The following HAO1 variants were observed in gnomAD, a reference collection of about 807,000 sequenced individuals.
HAO1 encodes the protein 2-Hydroxyacid oxidase 1.
Under a neutral mutation model 39.7 loss-of-function variants are expected in HAO1, and 34 were observed. The ratio of observed to expected loss-of-function variants is 0.86; its 90% confidence interval spans 0.65 to 1.14. The LOEUF is 1.14. HAO1 is among the 50% of genes most tolerant of loss of function. The pLI is 0.00. For missense variants in HAO1, 479 were observed against 464.5 expected (o/e 1.03, Z -0.29); for synonymous variants, 172 against 173.2 (o/e 0.99, Z 0.05).
At chr20:7,927,594 T>A (rs371672367) in intron 2 of HAO1, among the ~76,000 whole-genome samples, 80 of 152,310 alleles carry the variant, frequency 5.3e-4, no homozygotes, top group African/African-American at 1.9e-3. Flanking sequence ...TTTAAAAGAC[T>A]TCTTAGAATT....
chr20:7,915,796 G>A lies in HAO1; in HGVS notation c.290-1377C>T, dbSNP rs184238243. On this transcript the variant is annotated intron_variant, in intron 2 of 7. Transcript: ENST00000378789. Reference sequence around the variant, plus strand: ...AAGAAAAAAGTTTACAAAATGACATGTATTACATGATATCAAATTTGTACA... The same window carrying A: ...AAGAAAAAAGTTTACAAAATGACATATATTACATGATATCAAATTTGTACA... Among the ~76,000 whole-genome samples, 336 of 152,222 alleles carry A rather than the reference G, an allele frequency of 2.2e-3. 4 individuals are homozygous for A. The highest frequency in any genetic ancestry group is 7.8e-3 in the African/African-American group (325 of 41,548).
chr20:7,926,778 G>C (rs2050361040), intron 2 of HAO1, among the ~76,000 whole-genome samples: 1 of 152,020 alleles, frequency 6.6e-6, no homozygotes, highest in African/African-American at 2.4e-5. Flanking sequence ...CAAAAAGAAA[G>C]TGTTTAGATT....
At chr20:7,896,703 T>C (rs1248139281) in intron 4 of HAO1, among the ~76,000 whole-genome samples, 1 of 152,164 alleles carries the variant, frequency 6.6e-6, no homozygotes. Flanking sequence ...AGGATTAGAT[T>C]AGATTTCTAA....
intron 2 of HAO1, among the ~76,000 whole-genome samples, chr20:7,922,272 G>A (rs1231606976): frequency 6.6e-6 from 1 of 152,064 alleles, no homozygotes; most frequent in Non-Finnish European, 1.5e-5. Context: ...TGTTAGAATG[G>A]TTATTATCAA....
At chr20:7,895,849 T>C (rs536372635) in intron 4 of HAO1, among the ~76,000 whole-genome samples, 5 of 152,022 alleles carry the variant, frequency 3.3e-5, no homozygotes, top group South Asian at 2.1e-4. Context: ...AGTTCAAGAC[T>C]AGCCTGACCA....
At chr20:7,922,681 T>C (rs2050339080) in intron 2 of HAO1, among the ~76,000 whole-genome samples, 13 of 152,040 alleles carry the variant, frequency 8.6e-5, no homozygotes, top group Admixed American at 8.5e-4. Flanking sequence ...CCTAACCTGT[T>C]CACAAATTTC....
chr20:7,903,157 A>G (rs1186467530), intron 4 of HAO1, among the ~76,000 whole-genome samples: 1 of 152,176 alleles, frequency 6.6e-6, no homozygotes, highest in African/African-American at 2.4e-5. Flanking sequence ...ACTTGGTGCA[A>G]TTGTTGTCAT....
chr20:7,924,085 A>G (rs910181220), intron 2 of HAO1, among the ~76,000 whole-genome samples: 4 of 152,118 alleles, frequency 2.6e-5, no homozygotes, highest in Non-Finnish European at 5.9e-5. Flanking sequence ...TTGTTTATGT[A>G]TTCTTCTCTT....
intron 1 of HAO1, among the ~76,000 whole-genome samples, chr20:7,938,622 A>G (rs1023860272): frequency 1.3e-5 from 2 of 152,164 alleles, no homozygotes; most frequent in East Asian, 1.9e-4. Flanking sequence ...AAAGGGTTGC[A>G]TAGGTGATCC....
At chr20:7,906,596 AT>A (rs961896252) in intron 3 of HAO1, among the ~76,000 whole-genome samples, 2 of 152,282 alleles carry the variant, frequency 1.3e-5, no homozygotes, top group South Asian at 2.1e-4. Context: ...AGAAAAAAAA[AT>A]GTGTTCATAT....
chr20:7,926,511 G>T (rs558196616), intron 2 of HAO1, among the ~76,000 whole-genome samples: 45 of 152,186 alleles, frequency 3.0e-4, no homozygotes, highest in African/African-American at 1.1e-3. Flanking sequence ...AAAATACATC[G>T]TTTGGGTTTA....
intron 5 of HAO1, among the ~76,000 whole-genome samples, chr20:7,893,532 C>T (rs1316675483): frequency 2.6e-5 from 4 of 152,122 alleles, no homozygotes; most frequent in African/African-American, 4.8e-5. Context: ...CATTGTAAAA[C>T]CGAAAAGCAA....
At chr20:7,887,550 T>C (rs963305911) in intron 5 of HAO1, among the ~76,000 whole-genome samples, 1 of 152,186 alleles carries the variant, frequency 6.6e-6, no homozygotes, top group Non-Finnish European at 1.5e-5. Context: ...TATTTACATA[T>C]GTCCCTTTTC....
At chr20:7,933,455 T>G (rs1164770629) in intron 2 of HAO1, among the ~76,000 whole-genome samples, 1 of 152,150 alleles carries the variant, frequency 6.6e-6, no homozygotes, top group Non-Finnish European at 1.5e-5. Context: ...TTTTTTCTTC[T>G]CTCTACTTAT....
intron 4 of HAO1, among the ~76,000 whole-genome samples, chr20:7,903,290 C>CT (rs36037568): frequency 0.062 from 9,005 of 144,570 alleles, 450 homozygotes; most frequent in African/African-American, 0.13. Flanking sequence ...CTCTCCTTAT[C>CT]TTTTTTTTTT....
chr20:7,900,916 A>G (rs1023115636), intron 4 of HAO1, among the ~76,000 whole-genome samples: 1 of 152,226 alleles, frequency 6.6e-6, no homozygotes, highest in Non-Finnish European at 1.5e-5. Flanking sequence ...AATTAAAGCT[A>G]CTACTCTAGT....
At chr20:7,892,937 A>G (rs2050180704) in intron 5 of HAO1, among the ~76,000 whole-genome samples, 1 of 152,180 alleles carries the variant, frequency 6.6e-6, no homozygotes, top group Non-Finnish European at 1.5e-5. Flanking sequence ...CAAGATAGGG[A>G]GCAGAAAGCA....
intron 2 of HAO1, among the ~76,000 whole-genome samples, chr20:7,930,413 A>C (rs2050380465): frequency 6.6e-6 from 1 of 152,212 alleles, no homozygotes; most frequent in Non-Finnish European, 1.5e-5. Context: ...ATCTCTGCCA[A>C]GTATGAATAT....
At chr20:7,900,869 G>A (rs1253384906) in intron 4 of HAO1, among the ~76,000 whole-genome samples, 1 of 152,196 alleles carries the variant, frequency 6.6e-6, no homozygotes, top group African/African-American at 2.4e-5. Context: ...GTGCCAAACA[G>A]CTAAGTTGTG....
Sources: gnomAD v4.1 joint callset for allele counts (sites outside exome capture counted in the v4.1 genomes callset) on GRCh38, gnomAD v4.1.1 for gene constraint, MANE v1.5 for transcripts, NCBI Gene and HGNC (gene_info 2026-07-23, HGNC 2026-07-21) for gene names.